Variants in GRIA4 observed in about 807,000 individuals in gnomAD.
GRIA4 encodes the protein glutamate ionotropic receptor AMPA type subunit 4.
In GRIA4, 34 loss-of-function variants were observed where a neutral mutation model predicts 104.0. The observed-to-expected ratio is 0.33, with a 90% confidence interval of 0.25 to 0.44. The LOEUF (loss-of-function observed/expected upper bound fraction) is 0.44. GRIA4 is among the 20% of genes least tolerant of loss of function. The probability of loss-of-function intolerance (pLI) is 1.00; values close to 1 mark genes in which losing one functional copy is unlikely to be tolerated. For synonymous variants in GRIA4, 386 were observed against 381.9 expected (o/e 1.01, Z -0.13); for missense variants, 750 against 1,096.5 (o/e 0.68, Z 4.46).
At chr11:105,640,708 A>G (rs186663959) in intron 3 of GRIA4, among the ~76,000 whole-genome samples, 1 of 152,062 alleles carries the variant, frequency 6.6e-6, no homozygotes, top group East Asian at 1.9e-4. Flanking sequence ...GGTTCTTGAC[A>G]TTTACTGTGA....
rs192632913 is a variant in GRIA4, at chr11:105,910,505, C to T, written c.1229C>T (p.Ala410Val). The T allele has an allele frequency of 2.5e-6, 4 of 1,593,364 alleles. No homozygotes were observed. In the African/African-American group the frequency reaches 4.0e-5, roughly 16 times the overall value. Residue 410 changes from alanine to valine, a missense_variant, in exon 10 of 17, where the codon GCT becomes GTT. Transcript: ENST00000282499. ...GTACCAACTCTTGGCAATGACACAG[C>T]TGCTATTGAGAACAGAACAGTGGTT... ...QDVPTLGNDT[A>V]AIENRTVVVT...
At chr11:105,711,263 C>T (rs1183637195) in intron 3 of GRIA4, among the ~76,000 whole-genome samples, 1 of 151,732 alleles carries the variant, frequency 6.6e-6, no homozygotes, top group African/African-American at 2.4e-5. Context: ...TCTCATTGTT[C>T]AGTTCCCACC....
Position 105,961,018 on chromosome 11 carries a change from C to T in GRIA4, c.2295-10896C>T, listed in dbSNP as rs188791751. The stretch of plus-strand genomic sequence containing the variant: ...TTCACAGGCTTATTATGTTTTTTTC[C>T]GATGGAAGCCTCTGAACGCCACAGC... On this transcript the variant is annotated intron_variant, in intron 14 of 16. Coordinates refer to ENST00000282499, the MANE Select transcript of GRIA4 (RefSeq NM_000829.4). 6.6e-5 allele frequency among the ~76,000 whole-genome samples: 10 copies of T among 152,150 alleles called. No homozygotes were observed. The South Asian group carries it at 8.3e-4, about 13-fold the overall frequency.
At chr11:105,645,436 C>T (rs948867595) in intron 3 of GRIA4, among the ~76,000 whole-genome samples, 1 of 152,142 alleles carries the variant, frequency 6.6e-6, no homozygotes. Flanking sequence ...CCAAATAAAG[C>T]AACAAGTTCA....
chr11:105,716,469 T>C (rs965526467), intron 3 of GRIA4, among the ~76,000 whole-genome samples: 2 of 152,108 alleles, frequency 1.3e-5, no homozygotes, highest in Non-Finnish European at 2.9e-5. Context: ...AAAAATTTAG[T>C]TTCCTAAAAT....
chr11:105,835,080 A>T (rs963346862), intron 4 of GRIA4, among the ~76,000 whole-genome samples: 86 of 152,150 alleles, frequency 5.7e-4, no homozygotes, highest in African/African-American at 1.8e-3. Context: ...AAAGAGCTGA[A>T]ATATGTTATT....
chr11:105,755,110 C>A (rs1162537967), intron 4 of GRIA4, among the ~76,000 whole-genome samples: 1 of 151,936 alleles, frequency 6.6e-6, no homozygotes, highest in East Asian at 1.9e-4. Context: ...CATGCTAATG[C>A]CAATGCAAGA....
At chr11:105,863,003 T>G (rs1224375999) in intron 5 of GRIA4, among the ~76,000 whole-genome samples, 4 of 152,220 alleles carry the variant, frequency 2.6e-5, no homozygotes, top group Admixed American at 6.5e-5. Context: ...TTGCTCATAT[T>G]ATCTACAATA....
chr11:105,885,717 T>C (rs1265853175), intron 5 of GRIA4, among the ~76,000 whole-genome samples: 1 of 152,212 alleles, frequency 6.6e-6, no homozygotes, highest in Non-Finnish European at 1.5e-5. Context: ...CTAGGCTTAG[T>C]TTGGTGAGGA....
chr11:105,861,966 A>G, intron 4 of GRIA4, 58 bp from the exon 5 acceptor site: 1 of 1,018,734 alleles, frequency 9.8e-7, no homozygotes, highest in East Asian at 2.4e-5. Context: ...CAGTACCTGC[A>G]TACATCATTA....
chr11:105,952,357 TA>T (rs766349424), intron 14 of GRIA4, among the ~76,000 whole-genome samples: 3 of 151,994 alleles, frequency 2.0e-5, no homozygotes, highest in African/African-American at 7.2e-5. Context: ...CCAAAGTAGG[TA>T]AAAAAATTCT....
At chr11:105,654,023 A>AAAAAAAAAAAAAAAAAAG (rs1951766998) in intron 3 of GRIA4, among the ~76,000 whole-genome samples, 1 of 149,042 alleles carries the variant, frequency 6.7e-6, no homozygotes, top group Non-Finnish European at 1.5e-5. Context: ...AAAAAAAAAA[A>AAAAAAAAAAAAAAAAAAG]AAAAGAAAAC....
At chr11:105,960,905 G>C (rs934438351) in intron 14 of GRIA4, among the ~76,000 whole-genome samples, 1 of 152,198 alleles carries the variant, frequency 6.6e-6, no homozygotes, top group Non-Finnish European at 1.5e-5. Flanking sequence ...CCACACCACA[G>C]TGCTCTTCCT....
chr11:105,941,794 A>G (rs1317769244), intron 14 of GRIA4, among the ~76,000 whole-genome samples: 1 of 152,138 alleles, frequency 6.6e-6, no homozygotes, highest in Non-Finnish European at 1.5e-5. Flanking sequence ...AGAGGCCTAT[A>G]TAAAAACTGG....
At chr11:105,660,723 G>A (rs982467273) in intron 3 of GRIA4, among the ~76,000 whole-genome samples, 1 of 151,294 alleles carries the variant, frequency 6.6e-6, no homozygotes, top group African/African-American at 2.4e-5. Context: ...GGGGGGAATC[G>A]ACTATTATGC....
At chr11:105,946,563 G>A (rs541499499) in intron 14 of GRIA4, among the ~76,000 whole-genome samples, 3 of 152,142 alleles carry the variant, frequency 2.0e-5, no homozygotes, top group South Asian at 4.1e-4. Flanking sequence ...TCCAGCCTGG[G>A]TGACACAGCC....
At chr11:105,939,830 T>G (rs533066665) in intron 14 of GRIA4, among the ~76,000 whole-genome samples, 7 of 152,138 alleles carry the variant, frequency 4.6e-5, no homozygotes, top group Non-Finnish European at 7.3e-5. Flanking sequence ...TGGCTTCTAT[T>G]CTCCAGATTG....
intron 13 of GRIA4, among the ~76,000 whole-genome samples, chr11:105,930,627 C>T (rs1034550389): frequency 6.6e-5 from 10 of 152,074 alleles, no homozygotes; most frequent in Admixed American, 3.9e-4. Flanking sequence ...TAATACTATG[C>T]TGCATTCTAT....
intron 3 of GRIA4, among the ~76,000 whole-genome samples, chr11:105,641,105 A>C (rs1951346801): frequency 6.6e-6 from 1 of 152,152 alleles, no homozygotes; most frequent in Admixed American, 6.6e-5. Context: ...ATTTGTCATA[A>C]TTTTGAAGAA....
Sources: gnomAD v4.1 joint callset for allele counts (sites outside exome capture counted in the v4.1 genomes callset) on GRCh38, gnomAD v4.1.1 for gene constraint, MANE v1.5 for transcripts, NCBI Gene and HGNC (gene_info 2026-07-23, HGNC 2026-07-21) for gene names.